UNC5C: variants seen among roughly 807,000 people sequenced by gnomAD.
UNC5C encodes netrin receptor UNC5C.
Under a neutral mutation model 99.8 loss-of-function variants are expected in UNC5C, and 47 were observed. The observed-to-expected ratio is 0.47, with a 90% confidence interval of 0.37 to 0.60. UNC5C has a LOEUF of 0.60. UNC5C is among the 20% of genes least tolerant of loss of function. The pLI, the probability that UNC5C is intolerant of heterozygous loss-of-function variation, is 0.00. For missense variants in UNC5C, 1,062 were observed against 1,165.9 expected (o/e 0.91, Z 1.30); for synonymous variants, 487 against 452.2 (o/e 1.08, Z -0.98).
intron 1 of UNC5C, among the ~76,000 whole-genome samples, chr4:95,433,782 C>T (rs1051867039): frequency 6.6e-6 from 1 of 152,022 alleles, no homozygotes. Context: ...AAAATCCAAA[C>T]CTTCTACCAA....
chr4:95,271,204 G>A (rs1348226611), intron 4 of UNC5C, among the ~76,000 whole-genome samples: 1 of 151,762 alleles, frequency 6.6e-6, no homozygotes, highest in African/African-American at 2.4e-5. Flanking sequence ...GACCGTGCTC[G>A]AACACAGCTG....
intron 7 of UNC5C, among the ~76,000 whole-genome samples, chr4:95,231,162 T>C (rs2865383): frequency 0.43 from 66,002 of 151,872 alleles, 15,148 homozygotes; most frequent in East Asian, 0.72. Context: ...CATTAAAACC[T>C]TGTCTTTACA....
intron 1 of UNC5C, among the ~76,000 whole-genome samples, chr4:95,363,337 G>T (rs554275430): frequency 6.6e-6 from 1 of 152,084 alleles, no homozygotes; most frequent in Non-Finnish European, 1.5e-5. Context: ...ACAAAATGTC[G>T]CATCCCAGGA....
At chr4:95,305,924 T>A (rs570399361) in intron 2 of UNC5C, among the ~76,000 whole-genome samples, 15 of 152,204 alleles carry the variant, frequency 9.9e-5, no homozygotes, top group Non-Finnish European at 1.8e-4. Context: ...TTATTTCTTA[T>A]TTTTAGCATA....
rs549071310 is a variant in UNC5C at position 95,502,249 on chromosome 4, T to C, written c.124+46485A>G. On this transcript the variant is annotated intron_variant, in intron 1 of 15. Transcript: ENST00000453304. ...ACTGGATTAGAAACTTTATTAGAAA[T>C]GTAACAGAAAATAATTATCATATAA... Among the ~76,000 whole-genome samples the C allele has an allele frequency of 2.0e-4, 30 of 152,220 alleles. No homozygotes were observed. In the South Asian group the frequency reaches 2.5e-3, roughly 13 times the overall value.
At chr4:95,310,843 C>T (rs1335411344) in intron 2 of UNC5C, among the ~76,000 whole-genome samples, 2 of 152,048 alleles carry the variant, frequency 1.3e-5, no homozygotes, top group African/African-American at 2.4e-5. Flanking sequence ...AGCTCTATGA[C>T]AACTATAGAT....
chr4:95,321,752 G>A (rs1223572319), intron 2 of UNC5C, among the ~76,000 whole-genome samples: 1 of 152,204 alleles, frequency 6.6e-6, no homozygotes, highest in Non-Finnish European at 1.5e-5. Flanking sequence ...AAGTAAAGGT[G>A]AGAAAACATT....
chr4:95,254,707 G>C (rs980914980), intron 4 of UNC5C, among the ~76,000 whole-genome samples: 1 of 152,124 alleles, frequency 6.6e-6, no homozygotes, highest in Non-Finnish European at 1.5e-5. Flanking sequence ...TTTAGCTCTT[G>C]TCCTTATCAT....
chr4:95,184,166 A>G (rs903813055), intron 13 of UNC5C, among the ~76,000 whole-genome samples: 1 of 152,186 alleles, frequency 6.6e-6, no homozygotes, highest in African/African-American at 2.4e-5. Context: ...CTGTGCATAG[A>G]GAGTCTGGCA....
At chr4:95,454,562 C>T (rs1747377893) in intron 1 of UNC5C, among the ~76,000 whole-genome samples, 1 of 152,034 alleles carries the variant, frequency 6.6e-6, no homozygotes, top group South Asian at 2.1e-4. Flanking sequence ...AGAGAGCAAT[C>T]AGTCATTCAG....
chr4:95,413,929 G>A (rs1746083500), intron 1 of UNC5C, among the ~76,000 whole-genome samples: 1 of 152,222 alleles, frequency 6.6e-6, no homozygotes, highest in Non-Finnish European at 1.5e-5. Flanking sequence ...GGAAGGTTGT[G>A]TCTTTACCAT....
chr4:95,172,106 T>G (rs1451812015), intron 14 of UNC5C, among the ~76,000 whole-genome samples: 4 of 148,580 alleles, frequency 2.7e-5, no homozygotes, highest in East Asian at 3.9e-4. Flanking sequence ...TTCTTGTAAA[T>G]TTGTTTGAGT....
At chr4:95,535,853 A>C (rs1462889159) in intron 1 of UNC5C, among the ~76,000 whole-genome samples, 2 of 152,048 alleles carry the variant, frequency 1.3e-5, no homozygotes, top group African/African-American at 2.4e-5. Flanking sequence ...CATCCAGTAC[A>C]TTTTTAATTC....
chr4:95,169,507 T>C, intron 15 of UNC5C, 108 bp from the exon 16 acceptor site: 5 of 1,302,384 alleles, frequency 3.8e-6, no homozygotes, highest in Non-Finnish European at 5.3e-6. Context: ...CCTGGTCCCA[T>C]TGTGGCTGAC....
chr4:95,545,118 C>A (rs1315362974), intron 1 of UNC5C, among the ~76,000 whole-genome samples: 1 of 152,056 alleles, frequency 6.6e-6, no homozygotes, highest in African/African-American at 2.4e-5. Context: ...TAAAATAGAC[C>A]CATACAAGTT....
intron 4 of UNC5C, among the ~76,000 whole-genome samples, chr4:95,276,509 T>C (rs1036641628): frequency 6.6e-6 from 1 of 152,130 alleles, no homozygotes; most frequent in African/African-American, 2.4e-5. Flanking sequence ...CCACCTAAAG[T>C]CTTTGCAAGG....
intron 1 of UNC5C, among the ~76,000 whole-genome samples, chr4:95,493,526 G>T (rs981613445): frequency 2.6e-5 from 4 of 151,340 alleles, no homozygotes; most frequent in Admixed American, 1.3e-4. Flanking sequence ...ACACTAGATG[G>T]TGAGCTTTAT....
At chr4:95,345,911 C>T (rs1038133857) in intron 1 of UNC5C, among the ~76,000 whole-genome samples, 1 of 151,804 alleles carries the variant, frequency 6.6e-6, no homozygotes, top group Non-Finnish European at 1.5e-5. Context: ...AGAAAAACTT[C>T]AAACAAACAA....
intron 1 of UNC5C, among the ~76,000 whole-genome samples, chr4:95,419,050 A>G (rs115333852): frequency 0.017 from 2,515 of 151,560 alleles, 83 homozygotes; most frequent in African/African-American, 0.058. Flanking sequence ...TTTCCCATAA[A>G]GAGATATTTA....
Sources: gnomAD v4.1 joint callset for allele counts (sites outside exome capture counted in the v4.1 genomes callset) on GRCh38, gnomAD v4.1.1 for gene constraint, MANE v1.5 for transcripts, NCBI Gene and HGNC (gene_info 2026-07-23, HGNC 2026-07-21) for gene names.